TRPC6: variants seen among roughly 807,000 people sequenced by gnomAD.
TRPC6 encodes short transient receptor potential channel 6.
A neutral mutation model predicts 90.7 loss-of-function variants in TRPC6; 55 were observed. That is an observed-to-expected ratio of 0.61 (90% CI 0.49 to 0.76). TRPC6 has a LOEUF of 0.76. Ranked by LOEUF, TRPC6 falls within the 30% of genes least tolerant of loss-of-function variation. TRPC6 has a pLI of 0.00. For synonymous variants in TRPC6, 393 were observed against 393.0 expected, an observed-to-expected ratio of 1.00 and a Z score of 0.00; for missense variants, 989 against 1,122.7, an observed-to-expected ratio of 0.88 and a Z score of 1.70.
intron 1 of TRPC6, among the ~76,000 whole-genome samples, chr11:101,537,710 A>G (rs4622224): frequency 0.24 from 36,397 of 151,940 alleles, 4,506 homozygotes; most frequent in Admixed American, 0.28. Context: ...TTTCTTTCCT[A>G]GAGTATCTTA....
chr11:101,526,845 CAGA>C lies in TRPC6; in HGVS notation c.171-22050_171-22048del, dbSNP rs1185495390. Reference sequence around the variant, plus strand: ...CGCCAGTGCACTCCAGCCTGGGTGACAGAAGGAGACTGTCTCAAAAAAAAAAAA... The same window carrying C: ...CGCCAGTGCACTCCAGCCTGGGTGACAGGAGACTGTCTCAAAAAAAAAAAA... On this transcript the variant is annotated intron_variant, in intron 1 of 12. Coordinates refer to ENST00000344327, the MANE Select transcript of TRPC6 (RefSeq NM_004621.6). 3.3e-5 allele frequency among the ~76,000 whole-genome samples: 3 copies of C among 90,312 alleles called. No homozygotes were observed. In the East Asian group the frequency reaches 1.1e-3, roughly 33 times the overall value. 59.2% of individuals were successfully genotyped at this position (90,312 alleles called of 152,430 possible).
rs540546614 is a variant in TRPC6, at chr11:101,471,539, T to C, written c.2206-153A>G. 5.3e-5 allele frequency among the ~76,000 whole-genome samples: 8 copies of C among 152,342 alleles called. No homozygotes were observed. In the South Asian group the frequency reaches 1.7e-3, roughly 32 times the overall value. ...AGATTTTTTCAAAATGTTAACATTC[T>C]ATTCACATATTCTTTCTTAAATTTG... On this transcript the variant is annotated intron_variant, in intron 8 of 12. Transcript: ENST00000344327.
intron 1 of TRPC6, among the ~76,000 whole-genome samples, chr11:101,525,936 C>T (rs1860769365): frequency 6.6e-6 from 1 of 152,204 alleles, no homozygotes; most frequent in African/African-American, 2.4e-5. Context: ...GGAAAACCTT[C>T]CCTGATTCCA....
intron 1 of TRPC6, among the ~76,000 whole-genome samples, chr11:101,559,867 G>A (rs964549954): frequency 7.0e-6 from 1 of 142,272 alleles, no homozygotes; most frequent in South Asian, 2.1e-4. Context: ...TCCCACCTAT[G>A]AGGGAGAACA....
At chr11:101,539,358 G>A (rs560778988) in intron 1 of TRPC6, among the ~76,000 whole-genome samples, 77 of 152,202 alleles carry the variant, frequency 5.1e-4, no homozygotes, top group Non-Finnish European at 8.7e-4. Context: ...TTCAGCTGCT[G>A]TTCTCAGACT....
chr11:101,456,455 A>G (rs573184851), intron 10 of TRPC6, among the ~76,000 whole-genome samples: 1 of 152,324 alleles, frequency 6.6e-6, no homozygotes, highest in Non-Finnish European at 1.5e-5. Flanking sequence ...TGAAGCTCCC[A>G]CTAAGCCCAT....
chr11:101,576,481 T>C (rs1395005926), intron 1 of TRPC6, among the ~76,000 whole-genome samples: 1 of 152,222 alleles, frequency 6.6e-6, no homozygotes, highest in African/African-American at 2.4e-5. Context: ...ATAAGAACTG[T>C]GATTCAGTCA....
intron 1 of TRPC6, among the ~76,000 whole-genome samples, chr11:101,523,731 T>C (rs1239869238): frequency 1.3e-5 from 2 of 152,200 alleles, no homozygotes; most frequent in East Asian, 1.9e-4. Flanking sequence ...TGGTTCTACA[T>C]TTGAGATAAA....
chr11:101,518,859 T>C lies in TRPC6; in HGVS notation c.171-14061A>G, dbSNP rs565932122. On this transcript the variant is annotated intron_variant, in intron 1 of 12. Coordinates refer to ENST00000344327, the MANE Select transcript of TRPC6 (RefSeq NM_004621.6). Reference sequence around the variant, plus strand: ...TACGCAATGGAGGACTAGTTAGCCATAAAAAAGAATGAGATCCAGGCATTT... The same window carrying C: ...TACGCAATGGAGGACTAGTTAGCCACAAAAAAGAATGAGATCCAGGCATTT... Among the ~76,000 whole-genome samples, 7 of 152,174 alleles carry C rather than the reference T, an allele frequency of 4.6e-5. No individual in the cohort carries two copies. In the South Asian group the frequency reaches 1.2e-3, roughly 27 times the overall value.
intron 1 of TRPC6, among the ~76,000 whole-genome samples, chr11:101,552,958 T>G (rs548220834): frequency 1.3e-5 from 2 of 152,138 alleles, no homozygotes; most frequent in Non-Finnish European, 2.9e-5. Flanking sequence ...AAATGTTTAT[T>G]CTTTTATCAG....
chr11:101,570,403 T>C (rs79066208), intron 1 of TRPC6, among the ~76,000 whole-genome samples: 139 of 151,840 alleles, frequency 9.2e-4, no homozygotes, highest in African/African-American at 3.2e-3. Flanking sequence ...CCAAATAGAG[T>C]CCAGAACCAG....
intron 1 of TRPC6, among the ~76,000 whole-genome samples, chr11:101,516,070 G>T (rs966664643): frequency 1.4e-5 from 2 of 146,728 alleles, no homozygotes; most frequent in Admixed American, 6.8e-5. Flanking sequence ...AATGTTTGGG[G>T]GCTTTTGTTT....
At chr11:101,557,543 A>G (rs1861587139) in intron 1 of TRPC6, among the ~76,000 whole-genome samples, 1 of 152,186 alleles carries the variant, frequency 6.6e-6, no homozygotes, top group African/African-American at 2.4e-5. Context: ...AAAGGCATCC[A>G]AATTAGAAAG....
chr11:101,472,233 A>G lies in TRPC6; in HGVS notation c.2109T>C (p.Ile703=), dbSNP rs749104240. 2.5e-6 allele frequency: 4 copies of G among 1,613,224 alleles called. No homozygotes were observed. In the Admixed American group the frequency reaches 5.0e-5, roughly 20 times the overall value. The change falls in exon 8 of 13, where the codon ATT becomes ATC. Residue 703 remains isoleucine (I), a synonymous_variant. Coordinates refer to ENST00000344327, the MANE Select transcript of TRPC6 (RefSeq NM_004621.6). The part of the protein sequence containing the change: ...INYNHKFIEN[I]GYVLYGVYNV... ...TATAGACTCCATAAAGAACGTAACC[A>G]ATGTTTTCAATGAATTTGTGGTTAT...
intron 1 of TRPC6, among the ~76,000 whole-genome samples, chr11:101,528,829 T>G (rs577125191): frequency 6.6e-6 from 1 of 152,256 alleles, no homozygotes; most frequent in East Asian, 1.9e-4. Flanking sequence ...GAAGGCTAAG[T>G]TGACTTAAGA....
chr11:101,471,545 C>T (rs891910018), intron 8 of TRPC6, among the ~76,000 whole-genome samples, 159 bp from the exon 9 acceptor site: 3 of 152,190 alleles, frequency 2.0e-5, no homozygotes, highest in African/African-American at 7.2e-5. Context: ...ATTCTATTCA[C>T]ATATTCTTTC....
chr11:101,503,275 G>C (rs1241302305), intron 2 of TRPC6, among the ~76,000 whole-genome samples: 1 of 152,116 alleles, frequency 6.6e-6, no homozygotes, highest in East Asian at 1.9e-4. Context: ...TTAAGAGATT[G>C]ACTGGTCAAA....
intron 6 of TRPC6, among the ~76,000 whole-genome samples, chr11:101,474,303 A>C (rs7948687): frequency 0.31 from 47,707 of 152,016 alleles, 9,013 homozygotes; most frequent in African/African-American, 0.54. Flanking sequence ...ATTTAAATGT[A>C]TTAGAAGTAA....
chr11:101,563,682 G>A (rs1206468623), intron 1 of TRPC6, among the ~76,000 whole-genome samples: 1 of 152,116 alleles, frequency 6.6e-6, no homozygotes, highest in African/African-American at 2.4e-5. Flanking sequence ...ATCTGCAAAT[G>A]GGGCTGGAGG....
Sources: allele counts gnomAD v4.1 joint callset (sites outside exome capture counted in the v4.1 genomes callset), GRCh38; gene constraint gnomAD v4.1.1; transcripts MANE v1.5; gene names NCBI Gene and HGNC (gene_info 2026-07-23, HGNC 2026-07-21).